MCF2L2: variants seen among roughly 807,000 people sequenced by gnomAD.
MCF2L2 encodes the protein MCF.2 cell line derived transforming sequence-like 2.
Under a neutral mutation model 150.2 loss-of-function variants are expected in MCF2L2, and 102 were observed. The ratio of observed to expected loss-of-function variants is 0.68; its 90% CI spans 0.58 to 0.80. MCF2L2 has a LOEUF of 0.80. Among genes scored for constraint, MCF2L2 ranks in the 30% least tolerant of loss-of-function variants. The probability of loss-of-function intolerance (pLI) is 0.00; values close to 1 mark genes in which losing one functional copy is unlikely to be tolerated. For missense variants in MCF2L2, 1,256 were observed against 1,372.8 expected (o/e 0.91, Z 1.34); for synonymous variants, 465 against 491.3 (o/e 0.95, Z 0.71).
chr3:183,278,615 G>T (rs950460540), intron 14 of MCF2L2, among the ~76,000 whole-genome samples: 1 of 152,062 alleles, frequency 6.6e-6, no homozygotes, highest in Admixed American at 6.5e-5. Flanking sequence ...GATCCCCAGC[G>T]TGTAATACAG....
At chr3:183,225,834 C>T (rs1223782877) in intron 18 of MCF2L2, 2 of 152,230 alleles carry the variant, frequency 1.3e-5, no homozygotes, top group Non-Finnish European at 2.9e-5. Context: ...CCTCTGCATA[C>T]ATTATTTTGT....
intron 1 of MCF2L2, among the ~76,000 whole-genome samples, chr3:183,417,435 C>T (rs1275712016): frequency 6.6e-6 from 1 of 152,054 alleles, no homozygotes. Context: ...ACCATTTGTA[C>T]TTTTGTTTAA....
At chr3:183,332,112 C>A (rs1162808155) in intron 5 of MCF2L2, among the ~76,000 whole-genome samples, 2 of 152,142 alleles carry the variant, frequency 1.3e-5, no homozygotes, top group Non-Finnish European at 2.9e-5. Context: ...AATATCACAA[C>A]ACGTTTTAAA....
At chr3:183,198,917 T>C (rs1722163240) in intron 25 of MCF2L2, among the ~76,000 whole-genome samples, 1 of 152,196 alleles carries the variant, frequency 6.6e-6, no homozygotes, top group African/African-American at 2.4e-5. Context: ...CCTACTCAAT[T>C]ACCATGACAT....
chr3:183,191,156 G>A lies in MCF2L2; in HGVS notation c.3016+1843C>T, dbSNP rs369430241. Among the ~76,000 whole-genome samples the A allele has an allele frequency of 6.6e-5, 10 of 152,156 alleles. No homozygotes were observed. In the East Asian group the frequency reaches 9.6e-4, roughly 15 times the overall value. ...CTCCCAAAGTGCTGGGATTACAGGCGTGAGCCACCGCACCCGGCTGACTTT... is the reference window on the plus strand; with the variant it reads ...CTCCCAAAGTGCTGGGATTACAGGCATGAGCCACCGCACCCGGCTGACTTT... On this transcript the variant is annotated intron_variant, in intron 27 of 29. Transcript: ENST00000328913.
intron 1 of MCF2L2, among the ~76,000 whole-genome samples, chr3:183,410,686 C>T (rs1715276989): frequency 6.6e-6 from 1 of 152,132 alleles, no homozygotes; most frequent in African/African-American, 2.4e-5. Flanking sequence ...CCTGTAAAAC[C>T]GTCTAAGTAT....
chr3:183,249,204 C>G (rs962578445), intron 15 of MCF2L2, among the ~76,000 whole-genome samples: 4 of 152,218 alleles, frequency 2.6e-5, no homozygotes, highest in Non-Finnish European at 5.9e-5. Flanking sequence ...AGAGGCAGCC[C>G]TCTGGGACCT....
At chr3:183,355,943 C>T (rs898877250) in intron 3 of MCF2L2, among the ~76,000 whole-genome samples, 37 of 152,062 alleles carry the variant, frequency 2.4e-4, no homozygotes, top group African/African-American at 8.9e-4. Flanking sequence ...TCCTTCCCCC[C>T]TCCCCTCCCC....
At chr3:183,258,028 T>G in intron 15 of MCF2L2, among the ~76,000 whole-genome samples, 1 of 123,314 alleles carries the variant, frequency 8.1e-6, no homozygotes, top group Non-Finnish European at 1.6e-5. Flanking sequence ...AGTGCAATGG[T>G]GCCATCTCGG....
Position 183,224,165 on chromosome 3 carries a change from T to C in MCF2L2, c.2141A>G (p.Lys714Arg). 6.2e-7 allele frequency: 1 copy of C among 1,613,408 alleles called. No homozygotes were observed. The highest frequency in any genetic ancestry group is 8.5e-7 in the Non-Finnish European group (1 of 1,179,344). The part of the protein sequence containing the change: ...KRKEDLQIYF[K>R]YHKNLPRARA... Reference sequence around the variant, plus strand: ...AGCTCGGGGCAGATTCTTATGGTATTTAAAATATATCTGAAGATCTTCTTT... The same window carrying C: ...AGCTCGGGGCAGATTCTTATGGTATCTAAAATATATCTGAAGATCTTCTTT... Residue 714 changes from lysine to arginine, a missense_variant, in exon 19 of 30, where the codon AAA becomes AGA. Coordinates refer to ENST00000328913, the MANE Select transcript of MCF2L2 (RefSeq NM_015078.4).
At chr3:183,311,885 C>A in intron 7 of MCF2L2, 113 bp from the exon 8 acceptor site, 1 of 911,134 alleles carries the variant, frequency 1.1e-6, no homozygotes, top group Non-Finnish European at 1.6e-6. Flanking sequence ...AAATTAAATG[C>A]TGATGAAGTC....
In MCF2L2 at chr3:183,178,529, T is replaced by A. The variant is rs1721392856; in HGVS notation, c.*851A>T. ...GCAAATTAATTTGAACATCTGTAAC[T>A]CCTAAAACAAAACAACTACATATAA... On this transcript the variant is annotated 3_prime_UTR_variant, in exon 30 of 30. Transcript: ENST00000328913. 6.6e-6 allele frequency: 1 copy of A among 151,372 alleles called. No individual in the cohort carries two copies. The highest frequency in any genetic ancestry group is 2.4e-5 in the African/African-American group (1 of 40,870). The allele number at this position is 151,372 out of a possible 1,614,324, so 9.4% of individuals were successfully genotyped here. A position where few individuals can be genotyped will look rare whatever the true frequency, so the allele number is the denominator to read the frequency against.
At chr3:183,254,745 C>T (rs530805074) in intron 15 of MCF2L2, 1 of 152,420 alleles carries the variant, frequency 6.6e-6, no homozygotes, top group South Asian at 2.1e-4. Flanking sequence ...AAGAAACCGC[C>T]AACCTGAGAA....
chr3:183,392,159 T>C (rs1037679512), intron 1 of MCF2L2, among the ~76,000 whole-genome samples: 2 of 152,222 alleles, frequency 1.3e-5, no homozygotes, highest in Non-Finnish European at 2.9e-5. Flanking sequence ...AAATTAAACA[T>C]TTTAAAGATG....
chr3:183,357,951 GA>G, intron 3 of MCF2L2, among the ~76,000 whole-genome samples: 1 of 152,094 alleles, frequency 6.6e-6, no homozygotes, highest in Non-Finnish European at 1.5e-5. Flanking sequence ...AGCTGTTGGA[GA>G]AACTGGACAG....
Position 183,232,389 on chromosome 3 carries a change from T to C in MCF2L2, c.1863-1372A>G, listed in dbSNP as rs578205670. On this transcript the variant is annotated intron_variant, in intron 15 of 29. Coordinates refer to ENST00000328913, the MANE Select transcript of MCF2L2 (RefSeq NM_015078.4). ...GGAAACTGTAGGTCTCCTAAGTTTGTGGTCAGTTTTTATATAGCAATAGAA... is the reference window on the plus strand; with the variant it reads ...GGAAACTGTAGGTCTCCTAAGTTTGCGGTCAGTTTTTATATAGCAATAGAA... 1.6e-3 allele frequency among the ~76,000 whole-genome samples: 241 copies of C among 152,296 alleles called. 1 individual carries two copies. Among genetic ancestry groups the C allele is most frequent in the Non-Finnish European group, 1.6e-3 (112 of 68,016 alleles).
intron 1 of MCF2L2, among the ~76,000 whole-genome samples, chr3:183,395,201 A>G (rs990777133): frequency 2.0e-5 from 3 of 152,364 alleles, no homozygotes. Flanking sequence ...ATGTAATGGC[A>G]TAGACTGTGA....
chr3:183,354,598 A>G (rs893452684), intron 3 of MCF2L2, among the ~76,000 whole-genome samples: 8 of 151,672 alleles, frequency 5.3e-5, no homozygotes, highest in Non-Finnish European at 1.0e-4. Context: ...GAATCCACCT[A>G]TGATCTGTAA....
intron 14 of MCF2L2, among the ~76,000 whole-genome samples, chr3:183,278,849 C>T (rs1224139073): frequency 6.6e-6 from 1 of 152,084 alleles, no homozygotes; most frequent in African/African-American, 2.4e-5. Flanking sequence ...ATGAGATTTC[C>T]CTAATTTATA....
Sources: gnomAD v4.1 joint callset for allele counts (sites outside exome capture counted in the v4.1 genomes callset) on GRCh38, gnomAD v4.1.1 for gene constraint, MANE v1.5 for transcripts, NCBI Gene and HGNC (gene_info 2026-07-23, HGNC 2026-07-21) for gene names.